The following USP4 variants were observed in gnomAD, a reference collection of about 807,000 sequenced individuals.
The protein encoded by USP4 is ubiquitin carboxyl-terminal hydrolase 4.
Under a neutral mutation model 118.2 loss-of-function variants are expected in USP4, and 72 were observed. The ratio of observed to expected loss-of-function variants is 0.61; its 90% CI spans 0.50 to 0.74. The LOEUF is 0.74. Ranked by LOEUF, USP4 falls within the 30% of genes least tolerant of loss-of-function variation. The pLI is 0.00. For synonymous variants in USP4, 415 were observed against 440.4 expected, an observed-to-expected ratio of 0.94 and a Z score of 0.72; for missense variants, 1,037 against 1,185.7, an observed-to-expected ratio of 0.87 and a Z score of 1.84.
chr3:49,299,450 T>C (rs1343171648), intron 11 of USP4, among the ~76,000 whole-genome samples: 2 of 149,626 alleles, frequency 1.3e-5, no homozygotes, highest in Non-Finnish European at 3.0e-5. Flanking sequence ...TGGAGTGCAG[T>C]GGCGCAATCT....
At chr3:49,301,286 A>G (rs1380933130) in intron 10 of USP4, among the ~76,000 whole-genome samples, 1 of 152,102 alleles carries the variant, frequency 6.6e-6, no homozygotes, top group African/African-American at 2.4e-5. Context: ...CCTATTGGAA[A>G]CTAGGGGTCT....
intron 19 of USP4, 60 bp downstream of exon 19, chr3:49,283,927 A>G (rs1019473840): frequency 6.3e-7 from 1 of 1,597,140 alleles, no homozygotes; most frequent in Non-Finnish European, 8.6e-7. Flanking sequence ...TCAGCCAATC[A>G]GTGCCAAGAT....
At chr3:49,279,181 C>T (rs892325831) in intron 20 of USP4, 4 of 201,104 alleles carry the variant, frequency 2.0e-5, no homozygotes, top group Non-Finnish European at 4.0e-5. Context: ...CTATTCAGTG[C>T]CAATCTTCAG....
At chr3:49,326,849 G>C (rs558291691) in intron 3 of USP4, among the ~76,000 whole-genome samples, 2 of 150,878 alleles carry the variant, frequency 1.3e-5, no homozygotes, top group Non-Finnish European at 3.0e-5. Context: ...CTACAGGTAT[G>C]TGCCACCACA....
At chr3:49,284,986 G>A in intron 16 of USP4, 67 bp from the exon 17 acceptor site, 2 of 1,260,494 alleles carry the variant, frequency 1.6e-6, no homozygotes, top group Middle Eastern at 4.3e-4. Context: ...CCAAGTGACA[G>A]GAGTGAGAAG....
chr3:49,301,096 T>C (rs913366541), intron 10 of USP4, among the ~76,000 whole-genome samples: 1 of 152,046 alleles, frequency 6.6e-6, no homozygotes, highest in Non-Finnish European at 1.5e-5. Flanking sequence ...TGCATCACCA[T>C]GCCTGGCTAA....
At chr3:49,297,119 C>A (rs1227508053) in intron 13 of USP4, among the ~76,000 whole-genome samples, 1 of 152,166 alleles carries the variant, frequency 6.6e-6, no homozygotes, top group Non-Finnish European at 1.5e-5. Context: ...ATCCTAAAAC[C>A]CTTTCTCAGC....
intron 14 of USP4, among the ~76,000 whole-genome samples, chr3:49,293,103 C>G (rs925630919): frequency 3.9e-5 from 6 of 152,076 alleles, no homozygotes; most frequent in Admixed American, 3.3e-4. Flanking sequence ...AATGGCCAGG[C>G]ATGGTGGCTC....
At chr3:49,289,922 A>G (rs1396476835) in intron 15 of USP4, among the ~76,000 whole-genome samples, 1 of 152,108 alleles carries the variant, frequency 6.6e-6, no homozygotes, top group African/African-American at 2.4e-5. Context: ...CCTGGGGAAC[A>G]TGGGAAAACC....
At chr3:49,285,063 C>A in intron 16 of USP4, 144 bp from the exon 17 acceptor site, 1 of 649,512 alleles carries the variant, frequency 1.5e-6, no homozygotes, top group South Asian at 1.9e-5. Flanking sequence ...GAGCAATGCT[C>A]TGCAATGGGC....
At chr3:49,295,288 C>CAAAAAAAAAAAAAAAAA (rs34296887) in intron 13 of USP4, among the ~76,000 whole-genome samples, 6 of 11,946 alleles carry the variant, frequency 5.0e-4, no homozygotes, top group Non-Finnish European at 8.9e-4. Flanking sequence ...GACTCCATCT[C>CAAAAAAAAAAAAAAAAA]AAAAAAAAAA....
At chr3:49,327,916 CAGAA>C in intron 2 of USP4, 100 bp from the exon 3 acceptor site, 2 of 1,204,628 alleles carry the variant, frequency 1.7e-6, no homozygotes, top group Non-Finnish European at 2.3e-6. Context: ...AAATTATTTA[CAGAA>C]AGAAACAGGA....
chr3:49,334,519 G>C (rs1442134133), intron 2 of USP4, among the ~76,000 whole-genome samples: 1 of 152,162 alleles, frequency 6.6e-6, no homozygotes, highest in Non-Finnish European at 1.5e-5. Flanking sequence ...AAGCCAAGGT[G>C]GGAGGATGGC....
chr3:49,321,810 A>C (rs993746801), intron 6 of USP4, among the ~76,000 whole-genome samples: 1 of 146,258 alleles, frequency 6.8e-6, no homozygotes, highest in Admixed American at 6.8e-5. Context: ...CCTGGCCAAC[A>C]TGGTGAAACC....
At chr3:49,300,311 T>C (rs1044151187) in intron 11 of USP4, among the ~76,000 whole-genome samples, 156 bp downstream of exon 11, 1 of 151,112 alleles carries the variant, frequency 6.6e-6, no homozygotes, top group African/African-American at 2.4e-5. Flanking sequence ...TTAAATGATA[T>C]GGGATTAGAC....
intron 18 of USP4, 58 bp downstream of exon 18, chr3:49,284,408 G>A: frequency 1.4e-6 from 2 of 1,388,926 alleles, no homozygotes; most frequent in Non-Finnish European, 2.0e-6. Context: ...GATGGCCCTA[G>A]CAGATCTGAG....
intron 9 of USP4, among the ~76,000 whole-genome samples, chr3:49,303,074 T>G (rs746407607): frequency 1.6e-4 from 24 of 152,182 alleles, no homozygotes; most frequent in Admixed American, 1.1e-3. Context: ...ACCAAACCTA[T>G]TCAATCAGAA....
chr3:49,322,393 C>T (rs2107796924), intron 6 of USP4, among the ~76,000 whole-genome samples: 1 of 152,316 alleles, frequency 6.6e-6, no homozygotes, highest in Non-Finnish European at 1.5e-5. Context: ...GCAGTGCTAG[C>T]ACAAACATCC....
chr3:49,310,224 T>G (rs539369359), intron 8 of USP4, among the ~76,000 whole-genome samples: 1 of 152,172 alleles, frequency 6.6e-6, no homozygotes, highest in South Asian at 2.1e-4. Context: ...TGCGCCCGGC[T>G]GGGACAGCTA....
Sources: gnomAD v4.1 joint callset for allele counts (sites outside exome capture counted in the v4.1 genomes callset) on GRCh38, gnomAD v4.1.1 for gene constraint, MANE v1.5 for transcripts, NCBI Gene and HGNC (gene_info 2026-07-23, HGNC 2026-07-21) for gene names.